NFAM1: variants seen among roughly 807,000 people sequenced by gnomAD.
NFAM1 encodes NFAT activating protein with ITAM motif 1, also known as NFAT activation molecule 1.
In NFAM1, 17 loss-of-function variants were observed where a neutral mutation model predicts 29.0. That is an observed-to-expected ratio of 0.59 (90% CI 0.40 to 0.88). The LOEUF is 0.88. Ranked by LOEUF, NFAM1 falls within the 40% of genes least tolerant of loss-of-function variation. The pLI is 0.00. For synonymous variants in NFAM1, 175 were observed against 147.2 expected (o/e 1.19, Z -1.36); for missense variants, 324 against 344.6 (o/e 0.94, Z 0.47).
rs74371817 is a variant in NFAM1, at chr22:42,419,048, G to C, written c.122-7312C>G. 2.3e-3 allele frequency among the ~76,000 whole-genome samples: 355 copies of C among 152,336 alleles called. 2 individuals carry two copies. The highest frequency in any genetic ancestry group is 8.3e-3 in the African/African-American group (346 of 41,570). On this transcript the variant is annotated intron_variant, in intron 1 of 5. Transcript: ENST00000329021. This position sits in a 1 kb window ranked among gnomAD's most constrained non-coding sequence, Gnocchi z 4.5. ...CTGTGGCTGCTTGAACTTGGAGTTTGAGAGCTGGGCGGAGTTGCTATCCTC... is the reference window on the plus strand; with the variant it reads ...CTGTGGCTGCTTGAACTTGGAGTTTCAGAGCTGGGCGGAGTTGCTATCCTC...
chr22:42,387,589 T>C (rs1219820915), intron 4 of NFAM1, among the ~76,000 whole-genome samples: 1 of 49,014 alleles, frequency 2.0e-5, no homozygotes, highest in Non-Finnish European at 3.9e-5. Flanking sequence ...CACCCCAGCC[T>C]GTATTCAAGG....
At chr22:42,432,037 T>A (rs1047385147) in intron 1 of NFAM1, among the ~76,000 whole-genome samples, 200 bp downstream of exon 1, 3 of 151,978 alleles carry the variant, frequency 2.0e-5, no homozygotes, top group African/African-American at 7.3e-5. Flanking sequence ...CCCCTCCCCT[T>A]CAAAAGCCAC....
In NFAM1 at chr22:42,383,639, G is replaced by C. The variant is rs11914193; in HGVS notation, c.*1522C>G. The C allele has an allele frequency of 6.5e-6, 1 of 152,756 alleles. No homozygotes were observed. The highest frequency in any genetic ancestry group is 6.5e-5 in the Admixed American group (1 of 15,284). The allele number at this position is 152,756 out of a possible 1,614,324, so 9.5% of individuals were successfully genotyped here. A position where few individuals can be genotyped will look rare whatever the true frequency, so the allele number is the denominator to read the frequency against. ...AGTCTGTGCCCAGCCTCTACCACCA[G>C]CTTTCCCTTCCCTGCAGGGAGGGGC... is the stretch of plus-strand genomic sequence containing the variant. On this transcript the variant is annotated 3_prime_UTR_variant, in exon 6 of 6. Transcript: ENST00000329021.
rs143813591 is a variant in NFAM1, at chr22:42,409,525, C to A, written c.474G>T (p.Pro158=). The change falls in exon 3 of 6, where the codon CCG becomes CCT. Residue 158 remains proline, a synonymous_variant. Coordinates refer to ENST00000329021, the MANE Select transcript of NFAM1 (RefSeq NM_145912.8). The surrounding 1 kb of genome is among the most constrained non-coding windows in gnomAD (Gnocchi z 4.9). The part of the protein sequence containing the change: ...LVRDAGYREP[P]QSPQKLLLFG... Reference sequence around the variant, plus strand: ...AGAGCAGGAGCTTCTGTGGACTCTGCGGGGGCTCTCGGTACCCTGCGTCTA... The same window carrying A: ...AGAGCAGGAGCTTCTGTGGACTCTGAGGGGGCTCTCGGTACCCTGCGTCTA... 3 of 1,537,776 alleles carry A rather than the reference C, an allele frequency of 2.0e-6. No individual in the cohort carries two copies. Among genetic ancestry groups the A allele is most frequent in the Non-Finnish European group, 2.6e-6 (3 of 1,140,722 alleles).
intron 4 of NFAM1, among the ~76,000 whole-genome samples, chr22:42,387,690 C>T (rs1929198703): frequency 6.6e-6 from 1 of 152,132 alleles, no homozygotes; most frequent in African/African-American, 2.4e-5. Context: ...GTTCTCAGCA[C>T]ACCCCTCATC....
In NFAM1 at chr22:42,419,990, G is replaced by GTTTTTTTTTTTTTTTTTTTTTT. The variant is rs869262500; in HGVS notation, c.122-8276_122-8255dup. Reference sequence around the variant, plus strand: ...CTTTGAGTCTGTAATCCCACTCTTGGTTTTTTTTTTTTTTTTTTTTTTTTT... The same window carrying GTTTTTTTTTTTTTTTTTTTTTT: ...CTTTGAGTCTGTAATCCCACTCTTGGTTTTTTTTTTTTTTTTTTTTTTTTTTTTTTTTTTTTTTTTTTTTTTT... On this transcript the variant is annotated intron_variant, in intron 1 of 5. Transcript: ENST00000329021. This position sits in a 1 kb window ranked among gnomAD's most constrained non-coding sequence, Gnocchi z 4.5. Among the ~76,000 whole-genome samples the GTTTTTTTTTTTTTTTTTTTTTT allele has an allele frequency of 1.3e-4, 4 of 30,522 alleles. 2 individuals carry two copies. Among genetic ancestry groups the GTTTTTTTTTTTTTTTTTTTTTT allele is most frequent in the African/African-American group, 3.3e-4 (2 of 5,982 alleles). The allele number at this position is 30,522 out of a possible 152,430, so 20.0% of individuals were successfully genotyped here.
chr22:42,399,160 G>T (rs1455831390), intron 3 of NFAM1, among the ~76,000 whole-genome samples: 2 of 152,180 alleles, frequency 1.3e-5, no homozygotes, highest in South Asian at 4.1e-4. Context: ...GTCAGCATAG[G>T]CCAGGCACGG....
chr22:42,437,141 CT>C (rs566611914), upstream of NFAM1: 6,276 of 154,992 alleles, frequency 0.04, 1 homozygote, highest in Non-Finnish European at 0.064. Context: ...TTCTTTTTGT[CT>C]TTTTTTTTTT....
At chr22:42,390,410 G>C (rs922486591) in intron 4 of NFAM1, among the ~76,000 whole-genome samples, 1 of 152,160 alleles carries the variant, frequency 6.6e-6, no homozygotes, top group Admixed American at 6.5e-5. Context: ...GAGACTCAAA[G>C]AAGGAAGATA....
At chr22:42,422,674 C>T (rs550444342) in intron 1 of NFAM1, among the ~76,000 whole-genome samples, 143 of 152,220 alleles carry the variant, frequency 9.4e-4, no homozygotes, top group African/African-American at 3.2e-3. Flanking sequence ...AGAGTGTGGT[C>T]TGGGTCATCA....
upstream of NFAM1, chr22:42,437,123 A>C (rs1930958850): frequency 3.4e-6 from 1 of 294,324 alleles, no homozygotes; most frequent in Non-Finnish European, 4.7e-6. Flanking sequence ...CAAAGGTGGC[A>C]TGATTTTTTC....
At chr22:42,436,902 G>A (rs1478188886), upstream of NFAM1, 1 of 558,688 alleles carries the variant, frequency 1.8e-6, no homozygotes, top group East Asian at 1.4e-4. Context: ...AATCAGGGCA[G>A]ATATTATACG....
At chr22:42,408,517 C>G (rs1005978486) in intron 3 of NFAM1, among the ~76,000 whole-genome samples, 4 of 152,242 alleles carry the variant, frequency 2.6e-5, no homozygotes, top group East Asian at 1.9e-4. Context: ...CAGCCTCTGA[C>G]GAGCCCTGAC....
At chr22:42,411,817 A>C in intron 1 of NFAM1, 81 bp from the exon 2 acceptor site, 1 of 969,136 alleles carries the variant, frequency 1.0e-6, no homozygotes, top group Non-Finnish European at 1.6e-6. Context: ...AAGGCTCACG[A>C]CCGGGTGCGG....
intron 1 of NFAM1, among the ~76,000 whole-genome samples, chr22:42,423,737 T>TTC (rs1388542313): frequency 6.6e-6 from 1 of 151,308 alleles, no homozygotes; most frequent in African/African-American, 2.4e-5. Flanking sequence ...TTTTTTTTTT[T>TTC]TGAGATGGAG....
At position 42,432,311 on chromosome 22, in the gene NFAM1, C is replaced by T. The variant is rs367992231; in HGVS notation, c.47G>A (p.Arg16His). 34 of 1,575,562 alleles carry T rather than the reference C, an allele frequency of 2.2e-5. No individual in the cohort carries two copies. The highest frequency in any genetic ancestry group is 1.7e-4 in the Middle Eastern group (1 of 5,896). Residue 16 changes from arginine to histidine, a missense_variant, in exon 1 of 6, where the codon CGC becomes CAC. Transcript: ENST00000329021. ...VRWRALPGLP[R>H]PPGLPAAPWL... is the part of the protein sequence containing the mutation. The stretch of plus-strand genomic sequence containing the variant: ...GGGGGCTGCGGGGAGCCCAGGAGGG[C>T]GTGGGAGGCCTGGCAGGGCCCGCCA...
At chr22:42,395,131 A>G (rs1929475129) in intron 4 of NFAM1, among the ~76,000 whole-genome samples, 1 of 151,720 alleles carries the variant, frequency 6.6e-6, no homozygotes, top group Non-Finnish European at 1.5e-5. Context: ...CCAAGATCAC[A>G]CCACTGCACT....
intron 3 of NFAM1, among the ~76,000 whole-genome samples, chr22:42,408,368 G>A (rs940219763): frequency 6.6e-6 from 1 of 152,098 alleles, no homozygotes; most frequent in Non-Finnish European, 1.5e-5. Context: ...CAGGGGCTGA[G>A]CCTTTTTTGA....
chr22:42,398,816 A>AG (rs1929624943), intron 3 of NFAM1, among the ~76,000 whole-genome samples: 1 of 152,184 alleles, frequency 6.6e-6, no homozygotes, highest in African/African-American at 2.4e-5. Context: ...GGTGCTGCTT[A>AG]GAAGGCCCTT....
Sources: allele counts gnomAD v4.1 joint callset (sites outside exome capture counted in the v4.1 genomes callset), GRCh38; gene constraint gnomAD v4.1.1; non-coding constraint Gnocchi (gnomAD v3.1); transcripts MANE v1.5; gene names NCBI Gene and HGNC (gene_info 2026-07-23, HGNC 2026-07-21).